The following AGBL4 variants were observed in gnomAD, a reference collection of about 807,000 sequenced individuals.
AGBL4 encodes the protein cytosolic carboxypeptidase 6.
A neutral mutation model predicts 66.4 loss-of-function variants in AGBL4; 58 were observed. The ratio of observed to expected loss-of-function variants is 0.87; its 90% CI spans 0.71 to 1.09. AGBL4 has a LOEUF of 1.09. Among genes scored for constraint, AGBL4 ranks in the 50% least tolerant of loss-of-function variants. The probability of loss-of-function intolerance (pLI) is 0.00; values close to 1 mark genes in which losing one functional copy is unlikely to be tolerated. For missense variants in AGBL4, 579 were observed against 631.0 expected (o/e 0.92, Z 0.88); for synonymous variants, 234 against 222.9 (o/e 1.05, Z -0.44).
intron 4 of AGBL4, among the ~76,000 whole-genome samples, chr1:49,239,142 C>T (rs1392496990): frequency 6.6e-6 from 1 of 152,006 alleles, no homozygotes; most frequent in East Asian, 1.9e-4. Flanking sequence ...TGTCAATACT[C>T]TTAAGATACA....
intron 3 of AGBL4, among the ~76,000 whole-genome samples, chr1:49,313,533 T>A (rs996850249): frequency 6.6e-6 from 1 of 152,104 alleles, no homozygotes; most frequent in African/African-American, 2.4e-5. Flanking sequence ...CTCTCCAGCA[T>A]CTATTGTTTC....
chr1:48,911,212 G>C (rs1220363847), intron 5 of AGBL4, among the ~76,000 whole-genome samples: 1 of 152,230 alleles, frequency 6.6e-6, no homozygotes, highest in African/African-American at 2.4e-5. Flanking sequence ...GGGACTGAAA[G>C]AAGAATAGGA....
chr1:49,908,041 A>G (rs992223641), intron 1 of AGBL4, among the ~76,000 whole-genome samples: 2 of 152,204 alleles, frequency 1.3e-5, no homozygotes, highest in Non-Finnish European at 2.9e-5. Flanking sequence ...TCATTTAACT[A>G]GTTAGTAGTG....
chr1:49,248,602 C>T (rs937205161), intron 3 of AGBL4, among the ~76,000 whole-genome samples: 3 of 152,078 alleles, frequency 2.0e-5, no homozygotes, highest in Non-Finnish European at 4.4e-5. Flanking sequence ...GTTCCCTACA[C>T]GTTCTGCGAG....
chr1:49,258,443 A>T (rs914935877), intron 3 of AGBL4, among the ~76,000 whole-genome samples: 1 of 152,166 alleles, frequency 6.6e-6, no homozygotes, highest in Admixed American at 6.5e-5. Context: ...AGAATAACCA[A>T]TATAGAGAAG....
chr1:48,666,873 A>G lies in AGBL4; in HGVS notation c.635-3632T>C, dbSNP rs575395757. 3.9e-4 allele frequency among the ~76,000 whole-genome samples: 60 copies of G among 152,340 alleles called. 1 individual carries two copies. The highest frequency in any genetic ancestry group is 1.4e-3 in the African/African-American group (58 of 41,574). On this transcript the variant is annotated intron_variant, in intron 6 of 13. Coordinates refer to ENST00000371839, the MANE Select transcript of AGBL4 (RefSeq NM_032785.4). ...ATTCTTTGCCAGGCACTTTACATGC[A>G]TGATCTTATTTAATTCTCAAAGCAA...
chr1:49,765,558 C>T (rs1652671874), intron 2 of AGBL4, among the ~76,000 whole-genome samples: 1 of 152,014 alleles, frequency 6.6e-6, no homozygotes. Context: ...TGCTGTGACA[C>T]CACCAAAAGA....
chr1:48,921,704 T>C lies in AGBL4; in HGVS notation c.595-54474A>G, dbSNP rs768110848. Among the ~76,000 whole-genome samples, 7 of 152,334 alleles carry C rather than the reference T, an allele frequency of 4.6e-5. No individual in the cohort carries two copies. In the Middle Eastern group the frequency reaches 0.01, roughly 222 times the overall value. ...ATTTAGTCCCTTAATCTCTATTTTA[T>C]AGAGGAGCAGATGGAGCCTCAAGGA... is the stretch of plus-strand genomic sequence containing the variant. On this transcript the variant is annotated intron_variant, in intron 5 of 13. Transcript: ENST00000371839.
intron 5 of AGBL4, 94 bp from the exon 6 acceptor site, chr1:48,867,324 G>A: frequency 4.9e-6 from 6 of 1,229,636 alleles, no homozygotes; most frequent in Non-Finnish European, 7.1e-6. Flanking sequence ...AGGATGTTGG[G>A]ACATACTGCA....
chr1:48,751,066 T>G (rs539024630), intron 6 of AGBL4, among the ~76,000 whole-genome samples: 2 of 152,318 alleles, frequency 1.3e-5, no homozygotes, highest in South Asian at 4.1e-4. Flanking sequence ...TGATTCCACA[T>G]GGCATAGATA....
At chr1:49,365,763 C>T (rs1644230270) in intron 3 of AGBL4, among the ~76,000 whole-genome samples, 2 of 151,876 alleles carry the variant, frequency 1.3e-5, no homozygotes, top group South Asian at 2.1e-4. Context: ...CTTTGTTTTC[C>T]GTTTCTTCAC....
intron 1 of AGBL4, 80 bp downstream of exon 1, chr1:50,023,683 C>T: frequency 6.7e-7 from 1 of 1,482,046 alleles, no homozygotes; most frequent in South Asian, 1.3e-5. Context: ...GGAGTAGGAC[C>T]ATGCCCGAGT....
intron 1 of AGBL4, among the ~76,000 whole-genome samples, chr1:50,003,827 C>A (rs992738118): frequency 6.6e-6 from 1 of 152,224 alleles, no homozygotes; most frequent in Non-Finnish European, 1.5e-5. Context: ...AAGGATTTTA[C>A]CTAATTTCTA....
chr1:49,328,046 C>T (rs1645259681), intron 3 of AGBL4, among the ~76,000 whole-genome samples: 1 of 152,060 alleles, frequency 6.6e-6, no homozygotes, highest in South Asian at 2.1e-4. Flanking sequence ...AGCAAACTGT[C>T]CTGCAAGAAA....
intron 1 of AGBL4, among the ~76,000 whole-genome samples, chr1:49,934,097 A>C (rs1653670031): frequency 6.6e-6 from 1 of 152,178 alleles, no homozygotes; most frequent in Admixed American, 6.5e-5. Context: ...ACATACAACT[A>C]TAAAAGGATA....
chr1:49,123,200 G>A (rs672063), intron 4 of AGBL4, among the ~76,000 whole-genome samples: 102,691 of 152,002 alleles, frequency 0.68, 35,320 homozygotes, highest in African/African-American at 0.75. Flanking sequence ...TTATAGTATC[G>A]TATTATTTGA....
At position 49,429,854 on chromosome 1, in the gene AGBL4, T is replaced by A. The variant is rs548201445; in HGVS notation, c.283-183990A>T. Among the ~76,000 whole-genome samples, 58 of 151,054 alleles carry A rather than the reference T, an allele frequency of 3.8e-4. 1 individual carries two copies. The South Asian group carries it at 9.6e-3, about 25-fold the overall frequency. Reference sequence around the variant, plus strand: ...TATTTGCAGTTCTTTGAATATATTTTTTTTTTTTTTTTGAGACAGAGTCTC... The same window carrying A: ...TATTTGCAGTTCTTTGAATATATTTATTTTTTTTTTTTGAGACAGAGTCTC... On this transcript the variant is annotated intron_variant, in intron 3 of 13. Transcript: ENST00000371839.
intron 5 of AGBL4, among the ~76,000 whole-genome samples, chr1:48,952,331 T>C (rs562330653): frequency 6.6e-6 from 1 of 152,156 alleles, no homozygotes; most frequent in Non-Finnish European, 1.5e-5. Flanking sequence ...TACATTCTAA[T>C]ACAGAGTAGA....
intron 4 of AGBL4, among the ~76,000 whole-genome samples, chr1:49,227,819 C>T (rs1412602476): frequency 6.6e-6 from 1 of 152,182 alleles, no homozygotes; most frequent in Non-Finnish European, 1.5e-5. Flanking sequence ...TTCATGGCTG[C>T]AGTGCCCTAT....
Sources: gnomAD v4.1 joint callset for allele counts (sites outside exome capture counted in the v4.1 genomes callset) on GRCh38, gnomAD v4.1.1 for gene constraint, MANE v1.5 for transcripts, NCBI Gene and HGNC (gene_info 2026-07-23, HGNC 2026-07-21) for gene names.